UFSP2: variants seen among roughly 807,000 people sequenced by gnomAD.
The protein encoded by UFSP2 is UFM1 specific peptidase 2.
A neutral mutation model predicts 60.2 loss-of-function variants in UFSP2; 43 were observed. That is an observed-to-expected ratio of 0.71 (90% CI 0.56 to 0.92). UFSP2 has a LOEUF of 0.92. Ranked by LOEUF, UFSP2 falls within the 40% of genes least tolerant of loss-of-function variation. The pLI is 0.00. For synonymous variants in UFSP2, 183 were observed against 195.1 expected, an observed-to-expected ratio of 0.94 and a Z score of 0.52; for missense variants, 520 against 575.0, an observed-to-expected ratio of 0.90 and a Z score of 0.98.
chr4:185,403,403 G>T, intron 11 of UFSP2, 91 bp downstream of exon 11: 1 of 1,513,056 alleles, frequency 6.6e-7, no homozygotes, highest in Non-Finnish European at 8.9e-7. Context: ...TCTGCCCTCA[G>T]CTTATTGTCT....
rs762002036 is a variant in UFSP2, at chr4:185,415,202, A to G, written c.637T>C (p.Ser213Pro). Residue 213 changes from serine (S) to proline (P), a missense_variant, in exon 6 of 12, where the codon TCA (serine) becomes CCA (proline). Ser to Pro is a moderately conservative substitution (Grantham distance 74). Coordinates refer to ENST00000264689, the MANE Select transcript of UFSP2 (RefSeq NM_018359.5). ...CCATCTGGTATTCCTGAAGGATATGAAATTGTTACAAGATTTTTTTTCCCT... is the reference window on the plus strand; with the variant it reads ...CCATCTGGTATTCCTGAAGGATATGGAATTGTTACAAGATTTTTTTTCCCT... The part of the protein sequence containing the change: ...LPGKKNLVTI[S>P]YPSGIPDGQL... The G allele has an allele frequency of 6.2e-6, 10 of 1,607,142 alleles. No individual in the cohort carries two copies. In the South Asian group the frequency reaches 1.1e-4, roughly 18 times the overall value.
chr4:185,404,293 GTTTT>G (rs70962562), intron 10 of UFSP2, among the ~76,000 whole-genome samples: 6 of 80,476 alleles, frequency 7.5e-5, no homozygotes, highest in Non-Finnish European at 1.0e-4. Flanking sequence ...CATTCATTAA[GTTTT>G]TTTTTTTTTT....
intron 7 of UFSP2, among the ~76,000 whole-genome samples, chr4:185,412,070 G>C (rs2095530358): frequency 1.3e-5 from 2 of 151,240 alleles, no homozygotes; most frequent in Non-Finnish European, 3.0e-5. Flanking sequence ...GACTGGTAAA[G>C]TTTTGCTTCT....
At chr4:185,413,999 G>T in intron 6 of UFSP2, 127 bp from the exon 7 acceptor site, 1 of 776,196 alleles carries the variant, frequency 1.3e-6, no homozygotes, top group Non-Finnish European at 1.8e-6. Flanking sequence ...AACACTTATG[G>T]TTTAATTCAC....
At chr4:185,413,581 A>G (rs2153286227) in intron 7 of UFSP2, 145 bp downstream of exon 7, 3 of 752,632 alleles carry the variant, frequency 4.0e-6, no homozygotes, top group African/African-American at 1.8e-5. Context: ...TGCTATCTTA[A>G]GCAATGTCTG....
rs1561104468 is a variant in UFSP2, at chr4:185,400,069, CTA to C, written c.*321_*322del. ...AAGAACGCCTTCATTTCATGCAAAT[CTA>C]TAAGCTCCTGCTTTTGGCTTTACCA... On this transcript the variant is annotated 3_prime_UTR_variant, in exon 12 of 12. Transcript: ENST00000264689. 1 of 1,479,696 alleles carries C rather than the reference CTA, an allele frequency of 6.8e-7. No homozygotes were observed. Among genetic ancestry groups the C allele is most frequent in the Admixed American group, 1.9e-5 (1 of 53,048 alleles). 91.7% of individuals were successfully genotyped at this position (1,479,696 alleles called of 1,614,324 possible).
chr4:185,401,838 A>G (rs929881491), intron 11 of UFSP2, among the ~76,000 whole-genome samples: 1 of 152,246 alleles, frequency 6.6e-6, no homozygotes, highest in Non-Finnish European at 1.5e-5. Context: ...CCTTACCTAG[A>G]TAATGCCATG....
In UFSP2 at chr4:185,418,600, G is replaced by C. The variant is rs762760065; in HGVS notation, c.253C>G (p.Leu85Val). The change falls in exon 3 of 12, where the codon CTG becomes GTG. Residue 85 changes from leucine to valine, a missense_variant. Physicochemically the swap from Leu to Val is conservative, Grantham distance 32. Transcript: ENST00000264689. ...AAACATACTCACTGAATAAAGCGCA[G>C]TATGTTCTTACAAGCAGAAGCATCA... ...LTDASACKNI[L>V]RFIQFEPEED... 1.3e-5 allele frequency: 21 copies of C among 1,613,140 alleles called. No homozygotes were observed. In the East Asian group the frequency reaches 4.5e-4, roughly 34 times the overall value.
In UFSP2 at chr4:185,415,785, C is replaced by G; in HGVS notation, c.416G>C (p.Gly139Ala). The change falls in exon 5 of 12, where the codon GGA becomes GCA. Residue 139 changes from glycine (G) to alanine (A), a missense_variant. Gly to Ala is a moderately conservative substitution (Grantham distance 60, BLOSUM62 0). Transcript: ENST00000264689. Reference sequence around the variant, plus strand: ...AGTCATATTAACATAATGGTGTCCTCCGCTTTCCCTTTCAATGATGGGCGT... The same window carrying G: ...AGTCATATTAACATAATGGTGTCCTGCGCTTTCCCTTTCAATGATGGGCGT... ...AVTPIIERES[G>A]GHHYVNMTLP... 2 of 1,613,784 alleles carry G rather than the reference C, an allele frequency of 1.2e-6. No homozygotes were observed. Among genetic ancestry groups the G allele is most frequent in the East Asian group, 2.2e-5 (1 of 44,876 alleles).
At chr4:185,413,058 C>A (rs1027309849) in intron 7 of UFSP2, among the ~76,000 whole-genome samples, 1 of 152,160 alleles carries the variant, frequency 6.6e-6, no homozygotes, top group Non-Finnish European at 1.5e-5. Flanking sequence ...GTAATCCCAG[C>A]ACTTTGGGAG....
intron 10 of UFSP2, among the ~76,000 whole-genome samples, chr4:185,404,610 C>A (rs935325059): frequency 2.0e-5 from 3 of 147,946 alleles, no homozygotes; most frequent in Admixed American, 6.7e-5. Flanking sequence ...TTTTTTGAGA[C>A]AGAGTCTTGC....
At chr4:185,425,594 G>A (rs2095558291) in intron 1 of UFSP2, among the ~76,000 whole-genome samples, 5 of 152,192 alleles carry the variant, frequency 3.3e-5, no homozygotes, top group Admixed American at 1.3e-4. Context: ...CTTCAAAAAC[G>A]CCGAAGTCTC....
chr4:185,418,068 A>ACACACACACACACACACG (rs1554024899), intron 4 of UFSP2, among the ~76,000 whole-genome samples: 1 of 151,448 alleles, frequency 6.6e-6, no homozygotes, highest in East Asian at 1.9e-4. Flanking sequence ...ACACACACAC[A>ACACACACACACACACACG]AACAACAGAA....
intron 9 of UFSP2, 91 bp downstream of exon 9, chr4:185,407,841 GAAAT>G: frequency 1.5e-6 from 2 of 1,309,656 alleles, no homozygotes; most frequent in Non-Finnish European, 1.0e-6. Flanking sequence ...GGAATAAAAA[GAAAT>G]AAGGGAAGAT....
intron 7 of UFSP2, among the ~76,000 whole-genome samples, chr4:185,409,975 A>G (rs2095526410): frequency 6.6e-6 from 1 of 152,212 alleles, no homozygotes; most frequent in Admixed American, 6.5e-5. Context: ...ATGTCAGCCC[A>G]GTGATACTAC....
intron 7 of UFSP2, among the ~76,000 whole-genome samples, chr4:185,409,862 G>A (rs1469869435): frequency 2.6e-5 from 4 of 152,106 alleles, no homozygotes; most frequent in Admixed American, 6.5e-5. Context: ...GGCAGAGATC[G>A]GAATGATGGG....
rs758580831 is a variant in UFSP2 at position 185,408,257 on chromosome 4, G to A, written c.996+14C>T. 12 of 1,610,986 alleles carry A rather than the reference G, an allele frequency of 7.4e-6. No homozygotes were observed. Among genetic ancestry groups the A allele is most frequent in the East Asian group, 6.7e-5 (3 of 44,870 alleles). Reference sequence around the variant, plus strand: ...CATACAGTTGATTATAATTTAAAACGGTATGTTCTGTACCTGCTGAATTTC... The same window carrying A: ...CATACAGTTGATTATAATTTAAAACAGTATGTTCTGTACCTGCTGAATTTC... On this transcript the variant is annotated intron_variant, in intron 8 of 11. Coordinates refer to ENST00000264689, the MANE Select transcript of UFSP2 (RefSeq NM_018359.5).
Position 185,418,570 on chromosome 4 carries a change from T to C in UFSP2, c.266+17A>G. The C allele has an allele frequency of 6.2e-7, 1 of 1,611,572 alleles. No homozygotes were observed. Among genetic ancestry groups the C allele is most frequent in the Non-Finnish European group, 8.5e-7 (1 of 1,179,298 alleles). On this transcript the variant is annotated intron_variant, in intron 3 of 11. Transcript: ENST00000264689. ...GATGTTTTGAAAACATTTCTAGAAA[T>C]CTTCAAACATACTCACTGAATAAAG...
In UFSP2 at chr4:185,418,464, T is replaced by C. The variant is rs1471488250; in HGVS notation, c.310A>G (p.Lys104Glu). 1.2e-6 allele frequency: 2 copies of C among 1,610,666 alleles called. No homozygotes were observed. Among genetic ancestry groups the C allele is most frequent in the East Asian group, 2.2e-5 (1 of 44,798 alleles). The change falls in exon 4 of 12, where the codon AAG becomes GAG. Residue 104 changes from lysine (K) to glutamate (E), a missense_variant. Coordinates refer to ENST00000264689, the MANE Select transcript of UFSP2 (RefSeq NM_018359.5). ...ACCATGTCTGATAACTTTTTGTCCT[T>C]CTTTCTCATGAATTTTCTTTTTATA... ...EDIKRKFMRK[K>E]DKKLSDMHQI...
Sources: allele counts gnomAD v4.1 joint callset (sites outside exome capture counted in the v4.1 genomes callset), GRCh38; gene constraint gnomAD v4.1.1; transcripts MANE v1.5; gene names NCBI Gene and HGNC (gene_info 2026-07-23, HGNC 2026-07-21).